The following PLD3 variants were observed in gnomAD, a reference collection of about 807,000 sequenced individuals.
PLD3 encodes phospholipase D family member 3.
Under a neutral mutation model 58.4 loss-of-function variants are expected in PLD3, and 31 were observed. The observed-to-expected ratio is 0.53, with a 90% CI of 0.40 to 0.72. The LOEUF is 0.72. Among genes scored for constraint, PLD3 ranks in the 30% least tolerant of loss-of-function variants. PLD3 has a pLI of 0.00. For synonymous variants in PLD3, 264 were observed against 273.4 expected, an observed-to-expected ratio of 0.97 and a Z score of 0.34; for missense variants, 595 against 659.8, an observed-to-expected ratio of 0.90 and a Z score of 1.08.
chr19:40,374,610 C>T lies in PLD3; in HGVS notation c.1009C>T (p.His337Tyr), dbSNP rs1391643442. 1 of 1,614,136 alleles carries T rather than the reference C, an allele frequency of 6.2e-7. No homozygotes were observed. The highest frequency in any genetic ancestry group is 1.7e-5 in the Admixed American group (1 of 60,016). The change falls in exon 10 of 13, where the codon CAC (histidine) becomes TAC (tyrosine). Residue 337 changes from histidine (H) to tyrosine (Y), a missense_variant. Coordinates refer to ENST00000409735, the MANE Select transcript of PLD3 (RefSeq NM_012268.4). Reference sequence around the variant, plus strand: ...CTACCTGCCCACTCTGGAGTTCTCCCACCCTCACAGGTACTGCTGGGTGTG... The same window carrying T: ...CTACCTGCCCACTCTGGAGTTCTCCTACCCTCACAGGTACTGCTGGGTGTG... ...MNYLPTLEFS[H>Y]PHRFWPAIDD...
At chr19:40,372,632 T>C (rs2079093520) in intron 9 of PLD3, among the ~76,000 whole-genome samples, 1 of 70,036 alleles carries the variant, frequency 1.4e-5, no homozygotes, top group Non-Finnish European at 2.9e-5. Context: ...CATTTCTTTC[T>C]ATTTTTTTTT....
chr19:40,370,302 C>T (rs1004787512), intron 8 of PLD3, 65 bp downstream of exon 8: 23 of 1,526,698 alleles, frequency 1.5e-5, no homozygotes, highest in South Asian at 4.9e-5. Context: ...ACCCAGCCTC[C>T]GACTGCATCC....
At chr19:40,349,315 G>A (rs761219535) in intron 1 of PLD3, among the ~76,000 whole-genome samples, 1 of 152,022 alleles carries the variant, frequency 6.6e-6, no homozygotes. Context: ...TGGCATCACT[G>A]TTCCTCTGAC....
Position 40,366,418 on chromosome 19 carries a change from G to A in PLD3, c.-65-1G>A. 2 of 1,474,818 alleles carry A rather than the reference G, an allele frequency of 1.4e-6. No homozygotes were observed. The highest frequency in any genetic ancestry group is 1.9e-6 in the Non-Finnish European group (2 of 1,053,242). 91.4% of individuals were successfully genotyped at this position (1,474,818 alleles called of 1,614,324 possible). ...CACAGTGCCCACTTTTGTTCTGCCA[G>A]TTTGGAGACCCTGACACACCCACCT... On this transcript the variant is annotated splice_acceptor_variant, in intron 2 of 12. Coordinates refer to ENST00000409735, the MANE Select transcript of PLD3 (RefSeq NM_012268.4). LOFTEE classifies it low-confidence loss of function (5UTR_SPLICE).
chr19:40,366,385 A>AC, intron 2 of PLD3, 34 bp from the exon 3 acceptor site: 1 of 989,200 alleles, frequency 1.0e-6, no homozygotes, highest in East Asian at 2.4e-5. Context: ...AAAGCGTAGA[A>AC]CACCCCACAC....
At chr19:40,363,162 C>T (rs769254553) in intron 1 of PLD3, among the ~76,000 whole-genome samples, 8 of 152,268 alleles carry the variant, frequency 5.3e-5, no homozygotes, top group Non-Finnish European at 8.8e-5. Context: ...ACCTTGCCTT[C>T]GGTTTTGTTT....
intron 1 of PLD3, chr19:40,356,852 G>A (rs2078667302): frequency 1.3e-5 from 2 of 152,184 alleles, no homozygotes; most frequent in African/African-American, 4.8e-5. Context: ...TAAGAAGTTT[G>A]TCCTTTGTCC....
chr19:40,374,823 A>G lies in PLD3; in HGVS notation c.1019+203A>G, dbSNP rs573253630. 177 of 589,906 alleles carry G rather than the reference A, an allele frequency of 3.0e-4. 1 individual carries two copies. The highest frequency in any genetic ancestry group is 1.9e-3 in the African/African-American group (102 of 53,694). 36.5% of individuals were successfully genotyped at this position (589,906 alleles called of 1,614,324 possible). ...GAGAAAGAGAGATTACAGAGGAGAC[A>G]GGGATGAGGTTTCAGGACAAGGTTT... On this transcript the variant is annotated intron_variant, in intron 10 of 12. Coordinates refer to ENST00000409735, the MANE Select transcript of PLD3 (RefSeq NM_012268.4).
chr19:40,367,595 A>G (rs2078959346), intron 5 of PLD3, 101 bp from the exon 6 acceptor site: 1 of 1,009,976 alleles, frequency 9.9e-7, no homozygotes, highest in South Asian at 1.7e-5. Flanking sequence ...AAAAAAAAAA[A>G]TACAGTCTAT....
chr19:40,372,811 G>C (rs933622508), intron 9 of PLD3, among the ~76,000 whole-genome samples: 1 of 152,022 alleles, frequency 6.6e-6, no homozygotes, highest in Non-Finnish European at 1.5e-5. Flanking sequence ...GGAGTTTGAG[G>C]CTGCGTGAGC....
At chr19:40,356,148 G>C (rs2078651675) in intron 1 of PLD3, 1 of 152,494 alleles carries the variant, frequency 6.6e-6, no homozygotes, top group Non-Finnish European at 1.5e-5. Flanking sequence ...AGCTGTGGGA[G>C]GGTCTGGTGA....
rs974793332 is a variant in PLD3 at position 40,378,116 on chromosome 19, C to T, written c.1416C>T (p.Tyr472=). The T allele has an allele frequency of 5.6e-6, 9 of 1,613,936 alleles. No individual in the cohort carries two copies. Among genetic ancestry groups the T allele is most frequent in the Non-Finnish European group, 6.8e-6 (8 of 1,179,894 alleles). The part of the protein sequence containing the change: ...AIFLRDWDSP[Y]SHDLDTSADS... ...TCCTGAGGGACTGGGACTCCCCTTA[C>T]AGCCATGACCTTGACACCTCAGCTG... Residue 472 remains tyrosine, a synonymous_variant, in exon 13 of 13, where the codon TAC becomes TAT. Coordinates refer to ENST00000409735, the MANE Select transcript of PLD3 (RefSeq NM_012268.4).
In PLD3 at chr19:40,378,026, G is replaced by A. The variant is rs4819; in HGVS notation, c.1326G>A (p.Ala442=). The part of the protein sequence containing the change: ...NWSGNYFTET[A]GTSLLVTQNG... Reference sequence around the variant, plus strand: ...CTGGCAACTACTTCACGGAGACGGCGGGCACCTCGCTGCTGGTGACGCAGA... The same window carrying A: ...CTGGCAACTACTTCACGGAGACGGCAGGCACCTCGCTGCTGGTGACGCAGA... The change falls in exon 13 of 13, where the codon GCG becomes GCA. Residue 442 remains alanine, a synonymous_variant. Coordinates refer to ENST00000409735, the MANE Select transcript of PLD3 (RefSeq NM_012268.4). 0.016 allele frequency: 25,178 copies of A among 1,613,498 alleles called. 242 individuals carry two copies. Among genetic ancestry groups the A allele is most frequent in the Admixed American group, 0.023 (1,376 of 59,972 alleles).
At chr19:40,362,498 C>T (rs1296693527) in intron 1 of PLD3, among the ~76,000 whole-genome samples, 3 of 152,136 alleles carry the variant, frequency 2.0e-5, no homozygotes, top group Non-Finnish European at 4.4e-5. Flanking sequence ...TGAGGTGGTG[C>T]GATCACTGCT....
rs748157595 is a variant in PLD3, at chr19:40,366,437, C to T, written c.-47C>T. 4.4e-6 allele frequency: 7 copies of T among 1,595,958 alleles called. No individual in the cohort carries two copies. In the South Asian group the frequency reaches 7.7e-5, roughly 18 times the overall value. On this transcript the variant is annotated 5_prime_UTR_variant, in exon 3 of 13. Coordinates refer to ENST00000409735, the MANE Select transcript of PLD3 (RefSeq NM_012268.4). ...CTGCCAGTTTGGAGACCCTGACACACCCACCTTCTCACCTGGGCTCTGCGT... is the reference window on the plus strand; with the variant it reads ...CTGCCAGTTTGGAGACCCTGACACATCCACCTTCTCACCTGGGCTCTGCGT...
chr19:40,375,147 A>C (rs1376679719), intron 10 of PLD3, among the ~76,000 whole-genome samples: 1 of 151,446 alleles, frequency 6.6e-6, no homozygotes, highest in African/African-American at 2.4e-5. Flanking sequence ...CAGACAGAGC[A>C]AGACTCTGTC....
intron 1 of PLD3, chr19:40,357,829 C>G (rs2078689571): frequency 6.6e-6 from 1 of 152,174 alleles, no homozygotes; most frequent in Non-Finnish European, 1.5e-5. Flanking sequence ...CAGATCTCAC[C>G]AACTAGCATG....
At chr19:40,377,284 G>T (rs1488994868) in intron 11 of PLD3, among the ~76,000 whole-genome samples, 2 of 74,318 alleles carry the variant, frequency 2.7e-5, no homozygotes, top group Admixed American at 3.0e-4. Context: ...GAGGGGTCGG[G>T]GCTGGGGTTG....
rs993958707 is a variant in PLD3, at chr19:40,349,725, A to C, written c.-279+957A>C. ...TGTAATCCCAGCACTTTAGGAGGCC[A>C]AGGTGGGCGGATCACCTGATGTCGG... On this transcript the variant is annotated intron_variant, in intron 1 of 12. Coordinates refer to ENST00000409735, the MANE Select transcript of PLD3 (RefSeq NM_012268.4). Among the ~76,000 whole-genome samples, 19 of 147,686 alleles carry C rather than the reference A, an allele frequency of 1.3e-4. 1 individual carries two copies. Among genetic ancestry groups the C allele is most frequent in the Admixed American group, 1.1e-3 (17 of 14,880 alleles).
Sources: gnomAD v4.1 joint callset for allele counts (sites outside exome capture counted in the v4.1 genomes callset) on GRCh38, gnomAD v4.1.1 for gene constraint, MANE v1.5 for transcripts, NCBI Gene and HGNC (gene_info 2026-07-23, HGNC 2026-07-21) for gene names.